Variants in ABL2 observed in about 807,000 individuals in gnomAD.
ABL2 encodes the protein ABL proto-oncogene 2, non-receptor tyrosine kinase.
ABL2 carries 49 observed loss-of-function variants against 107.7 expected under a neutral mutation model. The observed-to-expected ratio is 0.45, with a 90% CI of 0.36 to 0.58. ABL2 has a LOEUF of 0.58. Among genes scored for constraint, ABL2 ranks in the 20% least tolerant of loss-of-function variants. The pLI is 0.00. For missense variants in ABL2, 1,245 were observed against 1,457.0 expected (o/e 0.85, Z 2.37); for synonymous variants, 549 against 548.6 (o/e 1.00, Z -0.01).
At chr1:179,111,766 G>A (rs1288129310) in intron 10 of ABL2, among the ~76,000 whole-genome samples, 3 of 152,048 alleles carry the variant, frequency 2.0e-5, no homozygotes, top group Non-Finnish European at 4.4e-5. Flanking sequence ...CAAGAAGGCC[G>A]GGCGCTGTGG....
At chr1:179,200,888 C>T (rs189444244) in intron 1 of ABL2, among the ~76,000 whole-genome samples, 1 of 152,342 alleles carries the variant, frequency 6.6e-6, no homozygotes, top group East Asian at 1.9e-4. Flanking sequence ...TCACACAAGA[C>T]ATACTTACTT....
At chr1:179,203,062 G>C (rs1479646004) in intron 1 of ABL2, among the ~76,000 whole-genome samples, 1 of 152,180 alleles carries the variant, frequency 6.6e-6, no homozygotes, top group Non-Finnish European at 1.5e-5. Flanking sequence ...TTGTCTCCCA[G>C]TAGGAAAGTG....
At chr1:179,118,063 G>A (rs564757303) in intron 7 of ABL2, among the ~76,000 whole-genome samples, 1 of 152,140 alleles carries the variant, frequency 6.6e-6, no homozygotes. Flanking sequence ...TGAGGTGGGA[G>A]GATGGCTTGA....
chr1:179,174,728 C>T (rs1288921295), intron 1 of ABL2, among the ~76,000 whole-genome samples: 1 of 151,378 alleles, frequency 6.6e-6, no homozygotes, highest in Non-Finnish European at 1.5e-5. Flanking sequence ...GGGCTGATCA[C>T]TTGAGGTCAG....
chr1:179,147,289 C>T (rs1273555743), intron 1 of ABL2, among the ~76,000 whole-genome samples: 6 of 149,450 alleles, frequency 4.0e-5, no homozygotes, highest in Non-Finnish European at 7.4e-5. Flanking sequence ...ACAACCTCTA[C>T]GAAAAACAGT....
At position 179,102,086 on chromosome 1, in the gene ABL2, A is replaced by G. The variant is rs1212932041; in HGVS notation, c.*5632T>C. 1 of 135,522 alleles carries G rather than the reference A, an allele frequency of 7.4e-6. No individual in the cohort carries two copies. The highest frequency in any genetic ancestry group is 1.4e-5 in the Non-Finnish European group (1 of 69,922). The allele number at this position is 135,522 out of a possible 1,614,324, so 8.4% of individuals were successfully genotyped here. ...GAGTGCAGTGGCGCGATCTGGGCTC[A>G]CTGCAAGCTCCGCCTCCTGGGTTCA... On this transcript the variant is annotated 3_prime_UTR_variant, in exon 12 of 12. Transcript: ENST00000502732.
In ABL2 at chr1:179,102,642, A is replaced by G. The variant is rs1458541668; in HGVS notation, c.*5076T>C. The G allele has an allele frequency of 4.4e-6, 1 of 229,414 alleles. No individual in the cohort carries two copies. Among genetic ancestry groups the G allele is most frequent in the Non-Finnish European group, 8.6e-6 (1 of 115,802 alleles). 14.2% of individuals were successfully genotyped at this position (229,414 alleles called of 1,614,324 possible). ...TGATGAAACTCAAAAATCAAGAACA[A>G]AAATATAGATAACCCTGTCAACCCA... On this transcript the variant is annotated 3_prime_UTR_variant, in exon 12 of 12. Transcript: ENST00000502732.
Position 179,166,196 on chromosome 1 carries a change from T to C in ABL2, c.158-32822A>G, listed in dbSNP as rs76808529. ...GACATTGATCTAGGCAAAGATTTTA[T>C]GGCTAAGACCTCAAAAACACAGATA... On this transcript the variant is annotated intron_variant, in intron 1 of 11. Transcript: ENST00000502732. Among the ~76,000 whole-genome samples, 1,520 of 152,208 alleles carry C rather than the reference T, an allele frequency of 1.0e-2. 16 individuals are homozygous for C. Among genetic ancestry groups the C allele is most frequent in the East Asian group, 0.02 (105 of 5,178 alleles).
At chr1:179,208,276 A>T (rs1662087771) in intron 1 of ABL2, among the ~76,000 whole-genome samples, 1 of 152,090 alleles carries the variant, frequency 6.6e-6, no homozygotes, top group South Asian at 2.1e-4. Flanking sequence ...ACGGTGCCCA[A>T]CAGGTTTTTC....
At chr1:179,184,632 G>A in intron 1 of ABL2, 1 of 508,004 alleles carries the variant, frequency 2.0e-6, no homozygotes, top group Admixed American at 2.8e-5. Context: ...AAGGGGATGA[G>A]GAAGAAGATG....
chr1:179,227,235 T>C (rs559330542), intron 1 of ABL2, among the ~76,000 whole-genome samples: 7 of 152,278 alleles, frequency 4.6e-5, no homozygotes, highest in African/African-American at 1.4e-4. Context: ...CCTCCTCACT[T>C]TACAGATAAA....
intron 1 of ABL2, among the ~76,000 whole-genome samples, chr1:179,225,732 T>C (rs563543650): frequency 1.9e-4 from 29 of 152,174 alleles, no homozygotes; most frequent in African/African-American, 5.8e-4. Context: ...AAAATATCAA[T>C]GCCGCCGAGG....
chr1:179,110,584 T>G (rs1557909620), intron 10 of ABL2, 129 bp from the exon 11 acceptor site: 1 of 1,498,846 alleles, frequency 6.7e-7, no homozygotes, highest in African/African-American at 1.4e-5. Context: ...CACGGAATCA[T>G]AAAGTATGTA....
chr1:179,140,469 ATAATT>A (rs1486390286), intron 1 of ABL2, among the ~76,000 whole-genome samples: 1 of 152,210 alleles, frequency 6.6e-6, no homozygotes, highest in Non-Finnish European at 1.5e-5. Context: ...AACATAGTGT[ATAATT>A]TACTTATTTA....
intron 11 of ABL2, 61 bp downstream of exon 11, chr1:179,110,221 C>G (rs562940909): frequency 1.3e-6 from 2 of 1,590,612 alleles, no homozygotes; most frequent in Admixed American, 3.4e-5. Context: ...AAGCCTCACA[C>G]CCCATGCTTC....
chr1:179,157,492 C>T (rs1341281499), intron 1 of ABL2, among the ~76,000 whole-genome samples: 2 of 149,196 alleles, frequency 1.3e-5, no homozygotes, highest in Non-Finnish European at 3.0e-5. Context: ...GGGAGACTGT[C>T]TCAAAAAAAA....
intron 1 of ABL2, among the ~76,000 whole-genome samples, chr1:179,206,907 C>T (rs1266479428): frequency 6.6e-6 from 1 of 152,150 alleles, no homozygotes; most frequent in Non-Finnish European, 1.5e-5. Flanking sequence ...CAAGCTGAAA[C>T]TGAGAAAGCC....
chr1:179,218,946 A>G (rs1425139389), intron 1 of ABL2, among the ~76,000 whole-genome samples: 1 of 152,244 alleles, frequency 6.6e-6, no homozygotes, highest in East Asian at 1.9e-4. Context: ...ATCTGTTAAC[A>G]TGGAAAAGGT....
intron 1 of ABL2, among the ~76,000 whole-genome samples, chr1:179,162,313 G>A (rs564599135): frequency 1.3e-5 from 2 of 152,306 alleles, no homozygotes; most frequent in Non-Finnish European, 2.9e-5. Context: ...GATAGCTAGA[G>A]GTGGCTCACA....
Sources: gnomAD v4.1 joint callset for allele counts (sites outside exome capture counted in the v4.1 genomes callset) on GRCh38, gnomAD v4.1.1 for gene constraint, MANE v1.5 for transcripts, NCBI Gene and HGNC (gene_info 2026-07-23, HGNC 2026-07-21) for gene names.